The following MAP2K4 variants were observed in gnomAD, a reference collection of about 807,000 sequenced individuals.
MAP2K4 encodes dual specificity mitogen-activated protein kinase kinase 4.
MAP2K4 carries 4 observed loss-of-function variants against 48.5 expected under a neutral mutation model. The observed-to-expected ratio is 0.08, with a 90% CI of 0.04 to 0.19. MAP2K4 has a LOEUF of 0.19. MAP2K4 is among the 10% of genes least tolerant of loss of function. MAP2K4 has a pLI of 1.00. For missense variants in MAP2K4, 258 were observed against 493.3 expected (o/e 0.52, Z 4.52); for synonymous variants, 166 against 173.1 (o/e 0.96, Z 0.32).
At chr17:12,089,679 T>C (rs1971499217) in intron 3 of MAP2K4, among the ~76,000 whole-genome samples, 1 of 152,194 alleles carries the variant, frequency 6.6e-6, no homozygotes, top group Non-Finnish European at 1.5e-5. Flanking sequence ...ACTGTCTTTT[T>C]ATACTGCCCT....
chr17:12,037,491 G>A (rs1023443190), intron 1 of MAP2K4, among the ~76,000 whole-genome samples: 15 of 152,022 alleles, frequency 9.9e-5, no homozygotes, highest in African/African-American at 1.9e-4. Flanking sequence ...CTGATTCCTC[G>A]TTTTATGTAG....
At chr17:12,066,132 C>CT (rs1461271291) in intron 2 of MAP2K4, among the ~76,000 whole-genome samples, 11 of 140,874 alleles carry the variant, frequency 7.8e-5, no homozygotes, top group Admixed American at 4.2e-4. Context: ...TTGTTTCTTT[C>CT]TTTCTTTTTT....
intron 2 of MAP2K4, among the ~76,000 whole-genome samples, chr17:12,073,028 T>G (rs1411353192): frequency 6.6e-6 from 1 of 152,172 alleles, no homozygotes; most frequent in Admixed American, 6.5e-5. Context: ...AAATGATATA[T>G]GAGTAGCAGT....
intron 2 of MAP2K4, among the ~76,000 whole-genome samples, chr17:12,068,214 G>C (rs1970676577): frequency 6.6e-6 from 1 of 152,106 alleles, no homozygotes; most frequent in Admixed American, 6.5e-5. Context: ...ATGGAGAGAT[G>C]GGCCACATAA....
At chr17:12,063,867 G>T (rs2151533142) in intron 2 of MAP2K4, among the ~76,000 whole-genome samples, 1 of 151,386 alleles carries the variant, frequency 6.6e-6, no homozygotes, top group African/African-American at 2.4e-5. Flanking sequence ...AGCTACTTGG[G>T]AGGCTGAGGC....
chr17:12,096,000 C>T (rs1971735718), intron 4 of MAP2K4, among the ~76,000 whole-genome samples: 1 of 120,424 alleles, frequency 8.3e-6, no homozygotes, highest in Non-Finnish European at 1.6e-5. Context: ...CCTGAAAAAT[C>T]AGCTGACTTC....
chr17:12,054,462 C>T (rs1467019332), intron 1 of MAP2K4, among the ~76,000 whole-genome samples: 1 of 152,028 alleles, frequency 6.6e-6, no homozygotes, highest in Non-Finnish European at 1.5e-5. Flanking sequence ...TCAGATTCTT[C>T]ACTCTGTTGT....
Position 12,141,405 on chromosome 17 carries a change from C to A in MAP2K4, c.*145C>A. ...TGTTCGTTTCCATCATGTCTGTATA[C>A]TCCTGTCACCTAGAACGTGCATCCT... On this transcript the variant is annotated 3_prime_UTR_variant, in exon 11 of 11. Coordinates refer to ENST00000353533, the MANE Select transcript of MAP2K4 (RefSeq NM_003010.4). The A allele has an allele frequency of 3.0e-6, 2 of 656,164 alleles. No individual in the cohort carries two copies. The highest frequency in any genetic ancestry group is 5.5e-6 in the Non-Finnish European group (2 of 364,736). The allele number at this position is 656,164 out of a possible 1,614,324, so 40.6% of individuals were successfully genotyped here. A position where few individuals can be genotyped will look rare whatever the true frequency, so the allele number is the denominator to read the frequency against.
chr17:12,065,426 G>A (rs1970585602), intron 2 of MAP2K4, among the ~76,000 whole-genome samples: 3 of 151,122 alleles, frequency 2.0e-5, no homozygotes, highest in Non-Finnish European at 2.9e-5. Context: ...AGCCTCCCAA[G>A]TGGCTGGGAT....
chr17:12,113,932 C>T (rs138815504), intron 7 of MAP2K4, among the ~76,000 whole-genome samples: 1 of 152,266 alleles, frequency 6.6e-6, no homozygotes, highest in African/African-American at 2.4e-5. Context: ...AGTGTTCCTA[C>T]AGCCTGGATT....
intron 3 of MAP2K4, among the ~76,000 whole-genome samples, chr17:12,089,407 G>T (rs1321077411): frequency 2.6e-5 from 4 of 152,240 alleles, no homozygotes; most frequent in Non-Finnish European, 4.4e-5. Flanking sequence ...CTTGCTAATG[G>T]CCAAATTACT....
At chr17:12,066,068 C>G (rs1970607747) in intron 2 of MAP2K4, among the ~76,000 whole-genome samples, 1 of 151,742 alleles carries the variant, frequency 6.6e-6, no homozygotes, top group African/African-American at 2.4e-5. Context: ...GCTAGAGTCC[C>G]CTAAAAAGTT....
At chr17:12,030,566 G>A (rs1035074666) in intron 1 of MAP2K4, among the ~76,000 whole-genome samples, 1 of 152,132 alleles carries the variant, frequency 6.6e-6, no homozygotes, top group Non-Finnish European at 1.5e-5. Flanking sequence ...ATGTGTTAGA[G>A]CAATCATTGG....
At chr17:12,136,733 C>T (rs1973224107) in intron 9 of MAP2K4, among the ~76,000 whole-genome samples, 1 of 152,146 alleles carries the variant, frequency 6.6e-6, no homozygotes, top group African/African-American at 2.4e-5. Context: ...AGTTTATACA[C>T]TGACATAATT....
At chr17:12,128,084 C>G (rs1329825273) in intron 8 of MAP2K4, among the ~76,000 whole-genome samples, 2 of 152,070 alleles carry the variant, frequency 1.3e-5, no homozygotes, top group Admixed American at 1.3e-4. Context: ...GTTTTCTTTT[C>G]TTTTGTTTTT....
chr17:12,034,689 T>G (rs954319971), intron 1 of MAP2K4, among the ~76,000 whole-genome samples: 1 of 152,198 alleles, frequency 6.6e-6, no homozygotes. Flanking sequence ...ATTACATAAG[T>G]GTTCAACCAC....
chr17:12,115,514 A>G (rs1482551115), intron 7 of MAP2K4: 5 of 593,524 alleles, frequency 8.4e-6, no homozygotes, highest in Non-Finnish European at 1.5e-5. Context: ...AAAATATGGT[A>G]TAAAGGAGGT....
intron 4 of MAP2K4, among the ~76,000 whole-genome samples, chr17:12,100,578 G>A (rs1010367422): frequency 6.6e-6 from 1 of 152,046 alleles, no homozygotes; most frequent in Admixed American, 6.5e-5. Flanking sequence ...GTAATTACAT[G>A]GGGGTGGAAT....
chr17:12,026,974 A>G (rs1969271432), intron 1 of MAP2K4: 1 of 152,260 alleles, frequency 6.6e-6, no homozygotes, highest in African/African-American at 2.4e-5. Flanking sequence ...TTGAAAGGTA[A>G]TAGAATCCTT....
Sources: gnomAD v4.1 joint callset for allele counts (sites outside exome capture counted in the v4.1 genomes callset) on GRCh38, gnomAD v4.1.1 for gene constraint, MANE v1.5 for transcripts, NCBI Gene and HGNC (gene_info 2026-07-23, HGNC 2026-07-21) for gene names.